Variants in RAD51B observed in about 807,000 individuals in gnomAD.
RAD51B encodes RAD51 paralog B.
In RAD51B, 38 loss-of-function variants were observed where a neutral mutation model predicts 42.2. That is an observed-to-expected ratio of 0.90 (90% CI 0.70 to 1.18). The LOEUF (loss-of-function observed/expected upper bound fraction) is 1.18. Ranked by LOEUF, RAD51B falls within the 50% of genes most tolerant of loss-of-function variation. The probability of loss-of-function intolerance (pLI) is 0.00; values close to 1 mark genes in which losing one functional copy is unlikely to be tolerated. For missense variants in RAD51B, 373 were observed against 400.7 expected, an observed-to-expected ratio of 0.93 and a Z score of 0.59; for synonymous variants, 154 against 145.2, an observed-to-expected ratio of 1.06 and a Z score of -0.43.
intron 11 of RAD51B, among the ~76,000 whole-genome samples, chr14:68,658,025 A>G (rs769087946): frequency 1.3e-4 from 20 of 152,354 alleles, no homozygotes; most frequent in Non-Finnish European, 2.4e-4. Context: ...CCTGAGTGAC[A>G]GCTCCTTGCC....
At chr14:67,871,126 C>G (rs1401347839) in intron 5 of RAD51B, among the ~76,000 whole-genome samples, 2 of 151,970 alleles carry the variant, frequency 1.3e-5, no homozygotes, top group Non-Finnish European at 2.9e-5. Flanking sequence ...AAAAACCCTT[C>G]AAAAAATTGA....
At chr14:67,913,434 A>G (rs925207152) in intron 7 of RAD51B, among the ~76,000 whole-genome samples, 1 of 152,118 alleles carries the variant, frequency 6.6e-6, no homozygotes, top group Non-Finnish European at 1.5e-5. Flanking sequence ...AGTTAAAACT[A>G]TTTTCGTAGT....
chr14:68,445,372 A>G (rs1298038847), intron 9 of RAD51B, among the ~76,000 whole-genome samples: 1 of 152,240 alleles, frequency 6.6e-6, no homozygotes, highest in Non-Finnish European at 1.5e-5. Context: ...TAGTATTTAA[A>G]AACAACAACG....
intron 10 of RAD51B, chr14:68,540,560 C>G: frequency 1.0e-6 from 1 of 985,338 alleles, no homozygotes; most frequent in Non-Finnish European, 1.2e-6. Flanking sequence ...TAAGTATTTG[C>G]AAAACTGGGC....
intron 7 of RAD51B, among the ~76,000 whole-genome samples, chr14:68,017,948 T>C (rs2075803507): frequency 6.6e-6 from 1 of 151,278 alleles, no homozygotes; most frequent in African/African-American, 2.4e-5. Flanking sequence ...TCCAGCCTAG[T>C]GACAGAGCAA....
intron 8 of RAD51B, among the ~76,000 whole-genome samples, chr14:68,320,950 T>C (rs1371668561): frequency 6.6e-6 from 1 of 152,158 alleles, no homozygotes; most frequent in Non-Finnish European, 1.5e-5. Flanking sequence ...TCCCTAGCCT[T>C]TCTCCTCCAA....
chr14:68,497,506 C>A, intron 10 of RAD51B: 1 of 1,059,566 alleles, frequency 9.4e-7, no homozygotes, highest in Admixed American at 5.5e-5. Flanking sequence ...TTAACTTTCT[C>A]TTTCTAAAAT....
chr14:68,331,367 C>CAAAAAAAA lies in RAD51B; in HGVS notation c.853+39398_853+39405dup, dbSNP rs778136542. On this transcript the variant is annotated intron_variant, in intron 8 of 10. Transcript: ENST00000471583. ...TGGGCTACAGAACGAGACTCTGTCT[C>CAAAAAAAA]AAAAAAAAAAAAAAAAAAGCAATGG... Among the ~76,000 whole-genome samples the CAAAAAAAA allele has an allele frequency of 1.2e-3, 40 of 32,930 alleles. 8 individuals are homozygous for CAAAAAAAA. Among genetic ancestry groups the CAAAAAAAA allele is most frequent in the Non-Finnish European group, 2.3e-3 (30 of 13,168 alleles). The allele number at this position is 32,930 out of a possible 152,430, so 21.6% of individuals were successfully genotyped here.
At chr14:68,681,364 A>T (rs532336243) in intron 11 of RAD51B, among the ~76,000 whole-genome samples, 1 of 152,322 alleles carries the variant, frequency 6.6e-6, no homozygotes, top group Non-Finnish European at 1.5e-5. Flanking sequence ...AATGAACAAG[A>T]TGTAAGAGAG....
chr14:68,594,749 A>G (rs1207100709), exon 11 of RAD51B: 15 of 1,264,522 alleles, frequency 1.2e-5, no homozygotes, highest in Non-Finnish European at 1.4e-5. Flanking sequence ...GTCCTTAGCA[A>G]TCTCATCCAA....
At chr14:68,426,058 CTCTTTCTT>C (rs1163890246) in intron 9 of RAD51B, among the ~76,000 whole-genome samples, 1 of 143,698 alleles carries the variant, frequency 7.0e-6, no homozygotes, top group Non-Finnish European at 1.5e-5. Context: ...CTCTCTCTCT[CTCTTTCTT>C]TCTTTCTTTT....
At chr14:68,066,078 C>G (rs528190055) in intron 7 of RAD51B, among the ~76,000 whole-genome samples, 1 of 151,782 alleles carries the variant, frequency 6.6e-6, no homozygotes, top group Non-Finnish European at 1.5e-5. Flanking sequence ...GATTAATAAT[C>G]TAAAACAACC....
At chr14:68,288,023 T>C (rs906409755) in intron 7 of RAD51B, among the ~76,000 whole-genome samples, 3 of 152,198 alleles carry the variant, frequency 2.0e-5, no homozygotes, top group Non-Finnish European at 4.4e-5. Flanking sequence ...AAATTGCTCT[T>C]ACACAAATTT....
At chr14:67,945,374 A>G (rs2045354084) in intron 7 of RAD51B, among the ~76,000 whole-genome samples, 1 of 152,204 alleles carries the variant, frequency 6.6e-6, no homozygotes, top group Non-Finnish European at 1.5e-5. Context: ...ATTGTCAAAA[A>G]TCTTTGAATT....
chr14:68,493,444 C>T (rs1461816395), intron 10 of RAD51B, among the ~76,000 whole-genome samples: 1 of 152,126 alleles, frequency 6.6e-6, no homozygotes, highest in African/African-American at 2.4e-5. Flanking sequence ...CCCCAAGGAC[C>T]TCATACTCAG....
chr14:68,442,899 G>T (rs1348730104), intron 9 of RAD51B, among the ~76,000 whole-genome samples: 2 of 152,144 alleles, frequency 1.3e-5, no homozygotes. Context: ...CTGCAGTAAA[G>T]TGGAATGAAA....
intron 9 of RAD51B, among the ~76,000 whole-genome samples, chr14:68,424,300 T>C (rs1202927197): frequency 6.6e-6 from 1 of 152,258 alleles, no homozygotes; most frequent in Non-Finnish European, 1.5e-5. Context: ...TCTGAAAGTA[T>C]TATCCCAGCA....
At chr14:68,036,822 A>G (rs2076130381) in intron 7 of RAD51B, among the ~76,000 whole-genome samples, 1 of 152,154 alleles carries the variant, frequency 6.6e-6, no homozygotes. Context: ...TCATCAATCT[A>G]TATTGCTATA....
chr14:68,025,309 G>A lies in RAD51B; in HGVS notation c.756+138105G>A, dbSNP rs538474852. Among the ~76,000 whole-genome samples the A allele has an allele frequency of 1.1e-4, 16 of 151,772 alleles. No individual in the cohort carries two copies. In the East Asian group the frequency reaches 2.7e-3, roughly 26 times the overall value. On this transcript the variant is annotated intron_variant, in intron 7 of 10. Coordinates refer to ENST00000471583, the MANE Select transcript of RAD51B (RefSeq NM_133510.4). ...GGGATATTGGCCTGAAGTTTGCTAC[G>A]TTTATTATGTCTCTGCTAGATTCTG...
Sources: gnomAD v4.1 joint callset for allele counts (sites outside exome capture counted in the v4.1 genomes callset) on GRCh38, gnomAD v4.1.1 for gene constraint, MANE v1.5 for transcripts, NCBI Gene and HGNC (gene_info 2026-07-23, HGNC 2026-07-21) for gene names.